Variants in CAB39L observed in about 807,000 individuals in gnomAD.
The protein encoded by CAB39L is calcium-binding protein 39-like.
Under a neutral mutation model 39.1 loss-of-function variants are expected in CAB39L, and 23 were observed. The ratio of observed to expected loss-of-function variants is 0.59; its 90% CI spans 0.42 to 0.83. The LOEUF (loss-of-function observed/expected upper bound fraction) is 0.83. Ranked by LOEUF, CAB39L falls within the 40% of genes least tolerant of loss-of-function variation. The pLI, the probability that CAB39L is intolerant of heterozygous loss-of-function variation, is 0.00. For synonymous variants in CAB39L, 126 were observed against 137.2 expected, an observed-to-expected ratio of 0.92 and a Z score of 0.57; for missense variants, 366 against 391.9, an observed-to-expected ratio of 0.93 and a Z score of 0.56.
chr13:49,314,177 A>G (rs1954085881), intron 10 of CAB39L, among the ~76,000 whole-genome samples: 1 of 152,168 alleles, frequency 6.6e-6, no homozygotes. Flanking sequence ...GAGCAACAGT[A>G]AGAATGAGTA....
rs570341688 is a variant in CAB39L at position 49,337,172 on chromosome 13, C to T, written c.690+2505G>A. On this transcript the variant is annotated intron_variant, in intron 9 of 10. Transcript: ENST00000409308. ...TTTATTGTCTTAGTTTAAAATTATA[C>T]TCCAAATTTAGAAGCAAATGCATTG... Among the ~76,000 whole-genome samples the T allele has an allele frequency of 8.7e-4, 133 of 152,286 alleles. 2 individuals carry two copies. Among genetic ancestry groups the T allele is most frequent in the African/African-American group, 3.2e-3 (131 of 41,560 alleles).
At chr13:49,326,792 G>A (rs1731041428) in intron 10 of CAB39L, among the ~76,000 whole-genome samples, 1 of 152,102 alleles carries the variant, frequency 6.6e-6, no homozygotes, top group African/African-American at 2.4e-5. Flanking sequence ...CCCAAATTCT[G>A]ATCTTCTCAG....
Position 49,442,805 on chromosome 13 carries a change from A to C in CAB39L, c.-246+1181T>G, listed in dbSNP as rs7983012. Among the ~76,000 whole-genome samples the C allele has an allele frequency of 1.0e-3, 88 of 86,206 alleles. 1 individual carries two copies. The highest frequency in any genetic ancestry group is 1.6e-3 in the African/African-American group (44 of 27,692). The allele number at this position is 86,206 out of a possible 152,430, so 56.6% of individuals were successfully genotyped here. On this transcript the variant is annotated intron_variant, in intron 1 of 10. Coordinates refer to ENST00000409308, the MANE Select transcript of CAB39L (RefSeq NM_001079670.3). The stretch of plus-strand genomic sequence containing the variant: ...TCCATCTCAAAAAAAAAAAAAAAAA[A>C]AAAAAAAAAAAAAACATCAATTATT...
rs543654222 is a variant in CAB39L, at chr13:49,403,527, A to G, written c.-31-20586T>C. On this transcript the variant is annotated intron_variant, in intron 3 of 10. Transcript: ENST00000409308. ...ATCATTAGAAAAAGACTCAGAAATGACACAAATAATAGAATTAGTATACAA... is the reference window on the plus strand; with the variant it reads ...ATCATTAGAAAAAGACTCAGAAATGGCACAAATAATAGAATTAGTATACAA... Among the ~76,000 whole-genome samples, 9 of 152,250 alleles carry G rather than the reference A, an allele frequency of 5.9e-5. 1 individual carries two copies. The East Asian group carries it at 1.7e-3, about 29-fold the overall frequency.
At position 49,363,388 on chromosome 13, in the gene CAB39L, C is replaced by T. The variant is rs536819225; in HGVS notation, c.277-3556G>A. 5.1e-4 allele frequency among the ~76,000 whole-genome samples: 77 copies of T among 152,160 alleles called. 1 individual carries two copies. In the South Asian group the frequency reaches 0.016, roughly 32 times the overall value. On this transcript the variant is annotated intron_variant, in intron 5 of 10. Coordinates refer to ENST00000409308, the MANE Select transcript of CAB39L (RefSeq NM_001079670.3). ...TGTAGAGTTCTTATTAGTTTTCTTTCTGTGCATTTCTTTATGTAATTAGTA... is the reference window on the plus strand; with the variant it reads ...TGTAGAGTTCTTATTAGTTTTCTTTTTGTGCATTTCTTTATGTAATTAGTA...
chr13:49,430,068 T>C (rs1047341859), intron 3 of CAB39L, among the ~76,000 whole-genome samples: 2 of 152,206 alleles, frequency 1.3e-5, no homozygotes, highest in African/African-American at 4.8e-5. Flanking sequence ...CACTCCAAAA[T>C]GGAAAAGTTA....
At chr13:49,346,075 GAT>G (rs10576159) in intron 7 of CAB39L, among the ~76,000 whole-genome samples, 44,984 of 81,072 alleles carry the variant, frequency 0.55, 12,890 homozygotes, top group Middle Eastern at 0.73. Context: ...ATATATGCTA[GAT>G]ATATATATAT....
intron 4 of CAB39L, among the ~76,000 whole-genome samples, chr13:49,379,621 G>C: frequency 3.1e-5 from 1 of 32,664 alleles, no homozygotes; most frequent in South Asian, 9.5e-4. Flanking sequence ...TTTATCTGCT[G>C]ACCTTCCCTC....
chr13:49,384,298 T>A (rs889007124), intron 3 of CAB39L, among the ~76,000 whole-genome samples: 2 of 152,238 alleles, frequency 1.3e-5, no homozygotes, highest in Non-Finnish European at 2.9e-5. Context: ...ATTGCAGCAA[T>A]TCAGTCACAT....
At chr13:49,406,846 G>T (rs1412653375) in intron 3 of CAB39L, among the ~76,000 whole-genome samples, 1 of 152,018 alleles carries the variant, frequency 6.6e-6, no homozygotes, top group African/African-American at 2.4e-5. Flanking sequence ...GTCTAATATA[G>T]ATTCAAAATA....
chr13:49,430,166 T>A (rs1957299183), intron 3 of CAB39L, among the ~76,000 whole-genome samples: 1 of 152,236 alleles, frequency 6.6e-6, no homozygotes, highest in Non-Finnish European at 1.5e-5. Flanking sequence ...TGATCTATGA[T>A]ATTCAATTTA....
At chr13:49,383,485 A>G (rs1398383450) in intron 3 of CAB39L, among the ~76,000 whole-genome samples, 1 of 152,206 alleles carries the variant, frequency 6.6e-6, no homozygotes, top group Non-Finnish European at 1.5e-5. Context: ...TATTCTCTGA[A>G]TGCATAATAA....
intron 5 of CAB39L, among the ~76,000 whole-genome samples, chr13:49,373,371 T>C (rs1398178284): frequency 2.6e-5 from 4 of 152,202 alleles, no homozygotes; most frequent in African/African-American, 9.7e-5. Context: ...AAAAATTCAC[T>C]TTTTTTCTCT....
Position 49,425,263 on chromosome 13 carries a change from C to G in CAB39L, c.-32+8055G>C, listed in dbSNP as rs528995290. On this transcript the variant is annotated intron_variant, in intron 3 of 10. Transcript: ENST00000409308. ...TGAGTCCTGAAGAAAAAGACAATTT[C>G]AATATTGAAAACTTTTATTTTTACA... Among the ~76,000 whole-genome samples the G allele has an allele frequency of 4.0e-5, 6 of 151,856 alleles. No individual in the cohort carries two copies. The South Asian group carries it at 1.2e-3, about 32-fold the overall frequency.
intron 6 of CAB39L, among the ~76,000 whole-genome samples, chr13:49,358,752 C>T (rs558258065): frequency 7.2e-5 from 11 of 151,874 alleles, no homozygotes; most frequent in South Asian, 2.1e-4. Flanking sequence ...CCCAGCTACC[C>T]GGGAGGCTGA....
At chr13:49,394,130 G>C (rs1353688065) in intron 3 of CAB39L, among the ~76,000 whole-genome samples, 1 of 151,596 alleles carries the variant, frequency 6.6e-6, no homozygotes, top group Non-Finnish European at 1.5e-5. Context: ...AAAATTATAG[G>C]CAAACAACAA....
intron 5 of CAB39L, among the ~76,000 whole-genome samples, chr13:49,361,500 A>G (rs1436258971): frequency 2.8e-5 from 4 of 140,718 alleles, no homozygotes; most frequent in Non-Finnish European, 6.2e-5. Flanking sequence ...AAAAAAAAAA[A>G]GAGACAGAAA....
At chr13:49,385,821 T>C (rs925066427) in intron 3 of CAB39L, among the ~76,000 whole-genome samples, 2 of 152,128 alleles carry the variant, frequency 1.3e-5, no homozygotes, top group African/African-American at 4.8e-5. Flanking sequence ...ACAATTACAA[T>C]AGTTAACATC....
chr13:49,413,964 C>T (rs1957039175), intron 3 of CAB39L: 1 of 108,902 alleles, frequency 9.2e-6, no homozygotes, highest in South Asian at 2.7e-4. Context: ...TCATCCTAAA[C>T]TGCAACAAAA....
Sources: gnomAD v4.1 joint callset for allele counts (sites outside exome capture counted in the v4.1 genomes callset) on GRCh38, gnomAD v4.1.1 for gene constraint, MANE v1.5 for transcripts, NCBI Gene and HGNC (gene_info 2026-07-23, HGNC 2026-07-21) for gene names.